Variants in UBR4 observed in about 807,000 individuals in gnomAD.
The protein encoded by UBR4 is E3 ubiquitin-protein ligase UBR4.
UBR4 carries 124 observed loss-of-function variants against 575.6 expected under a neutral mutation model. That is an observed-to-expected ratio of 0.22 (90% CI 0.19 to 0.25). UBR4 has a LOEUF of 0.25. Ranked by LOEUF, UBR4 falls within the 10% of genes least tolerant of loss-of-function variation. The pLI, the probability that UBR4 is intolerant of heterozygous loss-of-function variation, is 1.00. For synonymous variants in UBR4, 2,455 were observed against 2,473.7 expected, an observed-to-expected ratio of 0.99 and a Z score of 0.22; for missense variants, 4,818 against 6,478.8, an observed-to-expected ratio of 0.74 and a Z score of 8.80.
Position 19,139,318 on chromosome 1 carries a change from A to C in UBR4, c.8594-98T>G. 6.8e-7 allele frequency: 1 copy of C among 1,461,812 alleles called. No homozygotes were observed. The highest frequency in any genetic ancestry group is 9.1e-7 in the Non-Finnish European group (1 of 1,098,298). The allele number at this position is 1,461,812 out of a possible 1,614,324, so 90.6% of individuals were successfully genotyped here. On this transcript the variant is annotated intron_variant, in intron 58 of 105. Coordinates refer to ENST00000375254, the MANE Select transcript of UBR4 (RefSeq NM_020765.3). The surrounding 1 kb of genome is among the most constrained non-coding windows in gnomAD (Gnocchi z 4.2). ...CCCCTCCTTGGGATGAAAGCATCAA[A>C]CCACATAGTGCATAGGACACAATGC...
chr1:19,164,123 A>T (rs1170605222), intron 33 of UBR4, 130 bp downstream of exon 33: 1 of 1,096,866 alleles, frequency 9.1e-7, no homozygotes, highest in Non-Finnish European at 1.3e-6. Context: ...TTTGCTACCC[A>T]CCCAACTCCC....
chr1:19,148,637 A>G lies in UBR4; in HGVS notation c.7431-11T>C, dbSNP rs1181372934. 2 of 1,614,226 alleles carry G rather than the reference A, an allele frequency of 1.2e-6. No homozygotes were observed. Among genetic ancestry groups the G allele is most frequent in the Non-Finnish European group, 1.7e-6 (2 of 1,180,022 alleles). On this transcript the variant is annotated splice_polypyrimidine_tract_variant and intron_variant, in intron 49 of 105. Transcript: ENST00000375254. ...GAACTCACAACCAGCCTGGGGAGACAGAAAACCTGGCTTGAGTACAACACC... is the reference window on the plus strand; with the variant it reads ...GAACTCACAACCAGCCTGGGGAGACGGAAAACCTGGCTTGAGTACAACACC...
chr1:19,080,556 A>G (rs1328900824), intron 103 of UBR4: 1 of 152,218 alleles, frequency 6.6e-6, no homozygotes, highest in African/African-American at 2.4e-5. Context: ...CAAAAATCAC[A>G]AACCCGATCT....
At chr1:19,190,899 T>A (rs1340601381) in intron 11 of UBR4, among the ~76,000 whole-genome samples, 4 of 152,170 alleles carry the variant, frequency 2.6e-5, no homozygotes, top group Non-Finnish European at 4.4e-5. Flanking sequence ...CATCTCTCCC[T>A]TGTTTAATCC....
Position 19,199,643 on chromosome 1 carries a change from A to G in UBR4, c.378+8T>C, listed in dbSNP as rs1271788692. 4 of 1,613,242 alleles carry G rather than the reference A, an allele frequency of 2.5e-6. No homozygotes were observed. Among genetic ancestry groups the G allele is most frequent in the Admixed American group, 1.7e-5 (1 of 59,910 alleles). On this transcript the variant is annotated splice_region_variant and intron_variant, in intron 3 of 105. Transcript: ENST00000375254. Reference sequence around the variant, plus strand: ...GAATAGGGCAAGAAATGGGCCCATCACTCTCACCTGGGACACAGCACAAGC... The same window carrying G: ...GAATAGGGCAAGAAATGGGCCCATCGCTCTCACCTGGGACACAGCACAAGC...
At chr1:19,203,581 C>G (rs1199323362) in intron 1 of UBR4, among the ~76,000 whole-genome samples, 1 of 151,932 alleles carries the variant, frequency 6.6e-6, no homozygotes, top group African/African-American at 2.4e-5. Context: ...AGACTATCTG[C>G]CTGCCAAATG....
At chr1:19,175,571 A>C (rs2150998706) in intron 20 of UBR4, among the ~76,000 whole-genome samples, 1 of 152,326 alleles carries the variant, frequency 6.6e-6, no homozygotes, top group East Asian at 1.9e-4. Context: ...TCCAAAGAAC[A>C]GACAATTGCT....
chr1:19,182,909 T>C (rs541467929), intron 17 of UBR4, among the ~76,000 whole-genome samples: 1 of 138,434 alleles, frequency 7.2e-6, no homozygotes, highest in South Asian at 2.4e-4. Flanking sequence ...AGATTATATA[T>C]GTACATACAC....
rs552555958 is a variant in UBR4 at position 19,187,387 on chromosome 1, C to T, written c.1494+54G>A. 3.1e-6 allele frequency: 5 copies of T among 1,611,534 alleles called. No homozygotes were observed. The African/African-American group carries it at 5.3e-5, about 17-fold the overall frequency. ...AGTTGATGGATCAAGCTTGCTTGGC[C>T]AGAAGTGGATCCCGCAATCAATATG... On this transcript the variant is annotated intron_variant, in intron 12 of 105. Transcript: ENST00000375254.
chr1:19,141,310 G>A, intron 57 of UBR4, 37 bp downstream of exon 57: 1 of 1,613,766 alleles, frequency 6.2e-7, no homozygotes, highest in Non-Finnish European at 8.5e-7. Flanking sequence ...CCTGTGCAAG[G>A]CCAATGGGCC....
At chr1:19,177,063 CT>C (rs1203699061) in intron 19 of UBR4, among the ~76,000 whole-genome samples, 12 of 152,148 alleles carry the variant, frequency 7.9e-5, no homozygotes, top group Non-Finnish European at 4.4e-5. Context: ...TGAACGGATC[CT>C]CCTATCCTTA....
chr1:19,198,301 C>A (rs2092575739), intron 5 of UBR4, among the ~76,000 whole-genome samples: 1 of 152,162 alleles, frequency 6.6e-6, no homozygotes, highest in Non-Finnish European at 1.5e-5. Context: ...ATACACCTTA[C>A]ATTTGTTAAT....
chr1:19,111,222 A>G (rs1368783344), intron 78 of UBR4, among the ~76,000 whole-genome samples: 1 of 152,202 alleles, frequency 6.6e-6, no homozygotes, highest in Non-Finnish European at 1.5e-5. Context: ...CAAGGCCCTC[A>G]TATTCCAGTT....
At chr1:19,162,696 T>C in intron 34 of UBR4, 85 bp from the exon 35 acceptor site, 1 of 1,443,406 alleles carries the variant, frequency 6.9e-7, no homozygotes, top group Non-Finnish European at 9.2e-7. Context: ...CAAATAAAGC[T>C]CAAGATCAGA....
intron 63 of UBR4, among the ~76,000 whole-genome samples, chr1:19,127,211 T>C (rs1477294672): frequency 1.3e-5 from 2 of 152,312 alleles, no homozygotes; most frequent in South Asian, 2.1e-4. Flanking sequence ...CTCATTAAGA[T>C]TGGATGCAGT....
intron 11 of UBR4, among the ~76,000 whole-genome samples, chr1:19,191,730 A>G (rs965519935): frequency 2.6e-5 from 4 of 152,166 alleles, no homozygotes; most frequent in African/African-American, 7.2e-5. Context: ...GGGCTTAGAA[A>G]ACGAAACCTG....
chr1:19,118,997 G>T (rs1317636315), intron 70 of UBR4, 40 bp from the exon 71 acceptor site: 1 of 1,596,248 alleles, frequency 6.3e-7, no homozygotes, highest in African/African-American at 1.3e-5. Context: ...TAAAGCCCAA[G>T]GTGAAGTCTT....
intron 62 of UBR4, 151 bp from the exon 63 acceptor site, chr1:19,127,890 A>G: frequency 1.5e-6 from 1 of 666,868 alleles, no homozygotes; most frequent in East Asian, 2.6e-5. Flanking sequence ...TCCATGGACT[A>G]TACTTGGGGT....
Position 19,110,862 on chromosome 1 carries a change from T to C in UBR4, c.11802-30A>G. On this transcript the variant is annotated intron_variant, in intron 78 of 105. Coordinates refer to ENST00000375254, the MANE Select transcript of UBR4 (RefSeq NM_020765.3). This position sits in a 1 kb window ranked among gnomAD's most constrained non-coding sequence, Gnocchi z 4.5. Reference sequence around the variant, plus strand: ...AGAAGCAAATAGAAATGGAGTCCTATAATTCACAATCAGGTGTGACACTCC... The same window carrying C: ...AGAAGCAAATAGAAATGGAGTCCTACAATTCACAATCAGGTGTGACACTCC... The C allele has an allele frequency of 1.9e-6, 3 of 1,602,112 alleles. No individual in the cohort carries two copies. The highest frequency in any genetic ancestry group is 2.6e-6 in the Non-Finnish European group (3 of 1,170,984).
Sources: gnomAD v4.1 joint callset for allele counts (sites outside exome capture counted in the v4.1 genomes callset) on GRCh38, gnomAD v4.1.1 for gene constraint, Gnocchi (gnomAD v3.1) non-coding constraint, MANE v1.5 for transcripts, NCBI Gene and HGNC (gene_info 2026-07-23, HGNC 2026-07-21) for gene names.